The following SLC12A9 variants were observed in gnomAD, a reference collection of about 807,000 sequenced individuals.
SLC12A9 encodes solute carrier family 12 member 9, also known as CCC-interacting protein 1.
SLC12A9 carries 55 observed loss-of-function variants against 66.0 expected under a neutral mutation model. The observed-to-expected ratio is 0.83, with a 90% CI of 0.67 to 1.04. The LOEUF (loss-of-function observed/expected upper bound fraction) is 1.04. Among genes scored for constraint, SLC12A9 ranks in the 50% least tolerant of loss-of-function variants. The pLI is 0.00. For missense variants in SLC12A9, 1,061 were observed against 1,241.9 expected (o/e 0.85, Z 2.19); for synonymous variants, 577 against 569.0 (o/e 1.01, Z -0.20).
chr7:100,837,136 G>A (rs1262661259), intron 1 of SLC12A9, among the ~76,000 whole-genome samples: 2 of 152,042 alleles, frequency 1.3e-5, no homozygotes, highest in African/African-American at 4.8e-5. Flanking sequence ...AGAGATGGGG[G>A]CTCGCTATGT....
Position 100,861,048 on chromosome 7 carries a change from G to T in SLC12A9, c.1219-90G>T. 1 of 1,602,830 alleles carries T rather than the reference G, an allele frequency of 6.2e-7. No individual in the cohort carries two copies. On this transcript the variant is annotated intron_variant, in intron 9 of 13. Coordinates refer to ENST00000354161, the MANE Select transcript of SLC12A9 (RefSeq NM_020246.4). This position sits in a 1 kb window ranked among gnomAD's most constrained non-coding sequence, Gnocchi z 5.3. ...ACTTTCTGGGGCTCATTGACACTTT[G>T]GGGTACACTGGCATTCTTTGGTGTT...
At chr7:100,865,145 A>G in intron 13 of SLC12A9, 1 of 953,030 alleles carries the variant, frequency 1.0e-6, no homozygotes, top group Non-Finnish European at 1.6e-6. Context: ...TTTAGTAGAG[A>G]TAGCATTTCA....
Position 100,865,842 on chromosome 7 carries a change from C to T in SLC12A9, c.1982C>T (p.Ala661Val), listed in dbSNP as rs754019847. 2 of 1,613,860 alleles carry T rather than the reference C, an allele frequency of 1.2e-6. No individual in the cohort carries two copies. The highest frequency in any genetic ancestry group is 8.5e-7 in the Non-Finnish European group (1 of 1,180,026). Reference sequence around the variant, plus strand: ...AGCACCAGGGAGGGCAGTTCCCCAGCTCTGAGCACCCTGTTCCCTCCTCCC... The same window carrying T: ...AGCACCAGGGAGGGCAGTTCCCCAGTTCTGAGCACCCTGTTCCCTCCTCCC... ...ADSTREGSSP[A>V]LSTLFPPPRA... Residue 661 changes from alanine (A) to valine (V), a missense_variant, in exon 14 of 14, where the codon GCT (alanine) becomes GTT (valine). By Grantham distance (64) the Ala-to-Val change is moderately conservative (BLOSUM62 0). Coordinates refer to ENST00000354161, the MANE Select transcript of SLC12A9 (RefSeq NM_020246.4).
At chr7:100,826,943 G>A (rs1813416494) in exon 1 of SLC12A9, 2 of 1,530,118 alleles carry the variant, frequency 1.3e-6, no homozygotes, top group South Asian at 1.2e-5. Flanking sequence ...GGTCCCAGGA[G>A]TGACGGGGTG....
At chr7:100,838,503 C>T (rs751200272) in intron 1 of SLC12A9, among the ~76,000 whole-genome samples, 1 of 152,106 alleles carries the variant, frequency 6.6e-6, no homozygotes, top group Non-Finnish European at 1.5e-5. Context: ...CACTTCTGAG[C>T]AGAGGAGATA....
Position 100,855,826 on chromosome 7 carries a change from T to A in SLC12A9, c.437T>A (p.Val146Asp), listed in dbSNP as rs1814357102. The change falls in exon 4 of 14, where the codon GTC (valine) becomes GAC (aspartate). Residue 146 changes from valine (V) to aspartate (D), a missense_variant. Val to Asp is a radical substitution (Grantham distance 152). Transcript: ENST00000354161. ...GGGCTGGTGGAGTCTGTGCTTGATGTCTTCGGGGCCGGTCTGTGCTCTGTC... is the reference window on the plus strand; with the variant it reads ...GGGCTGGTGGAGTCTGTGCTTGATGACTTCGGGGCCGGTCTGTGCTCTGTC... ...LLGLVESVLD[V>D]FGADATGPSG... is the part of the protein sequence containing the mutation. 4 of 1,609,352 alleles carry A rather than the reference T, an allele frequency of 2.5e-6. No homozygotes were observed. Among genetic ancestry groups the A allele is most frequent in the Non-Finnish European group, 3.4e-6 (4 of 1,177,514 alleles).
At position 100,866,747 on chromosome 7, in the gene SLC12A9, T is replaced by G. The variant is rs573203820; in HGVS notation, c.*142T>G. 29 of 885,450 alleles carry G rather than the reference T, an allele frequency of 3.3e-5. No homozygotes were observed. In the African/African-American group the frequency reaches 4.2e-4, roughly 13 times the overall value. 54.8% of individuals were successfully genotyped at this position (885,450 alleles called of 1,614,324 possible). A position where few individuals can be genotyped will look rare whatever the true frequency, so the allele number is the denominator to read the frequency against. ...CCCAGGGGAGGTTTGAAGGGGATCC[T>G]GGGCTTGGGCATCACGCCCACCTCC... is the stretch of plus-strand genomic sequence containing the variant. On this transcript the variant is annotated 3_prime_UTR_variant, in exon 14 of 14. Coordinates refer to ENST00000354161, the MANE Select transcript of SLC12A9 (RefSeq NM_020246.4). This position sits in a 1 kb window ranked among gnomAD's most constrained non-coding sequence, Gnocchi z 7.3.
At chr7:100,829,999 G>A (rs1057258974) in intron 1 of SLC12A9, among the ~76,000 whole-genome samples, 1 of 151,938 alleles carries the variant, frequency 6.6e-6, no homozygotes, top group African/African-American at 2.4e-5. Flanking sequence ...CTGCACTCCA[G>A]CCTGGGCAAC....
intron 1 of SLC12A9, among the ~76,000 whole-genome samples, chr7:100,828,073 A>G (rs1405275514): frequency 1.3e-5 from 2 of 152,226 alleles, no homozygotes; most frequent in South Asian, 2.1e-4. Flanking sequence ...GGGGGCCTCA[A>G]GGAGCAATCC....
At chr7:100,864,580 C>T (rs569516405) in intron 13 of SLC12A9, among the ~76,000 whole-genome samples, 5 of 152,026 alleles carry the variant, frequency 3.3e-5, no homozygotes, top group South Asian at 4.2e-4. Flanking sequence ...AAATTAAGAA[C>T]GAAGAGCTTG....
chr7:100,857,014 C>A lies in SLC12A9; in HGVS notation c.595C>A (p.Leu199Met). ...CCGGGCCTCATTCCTCACATTCCTG[C>A]TGGTCTCTGGCTCCCTGGCCTCTGT... Reference protein sequence around the residue: ...YARASFLTFLLVSGSLASVLI... With the variant: ...YARASFLTFLMVSGSLASVLI... Residue 199 changes from leucine to methionine, a missense_variant, in exon 5 of 14, where the codon CTG (leucine) becomes ATG (methionine). Leu to Met is a conservative substitution (Grantham distance 15). Coordinates refer to ENST00000354161, the MANE Select transcript of SLC12A9 (RefSeq NM_020246.4). 1 of 1,614,184 alleles carries A rather than the reference C, an allele frequency of 6.2e-7. No individual in the cohort carries two copies. The highest frequency in any genetic ancestry group is 8.5e-7 in the Non-Finnish European group (1 of 1,180,024).
In SLC12A9 at chr7:100,854,165, C is replaced by T; in HGVS notation, c.-33C>T. 6.6e-7 allele frequency: 1 copy of T among 1,524,640 alleles called. No homozygotes were observed. The highest frequency in any genetic ancestry group is 8.7e-7 in the Non-Finnish European group (1 of 1,145,870). 94.4% of individuals were successfully genotyped at this position (1,524,640 alleles called of 1,614,324 possible). On this transcript the variant is annotated 5_prime_UTR_variant, in exon 2 of 14. Coordinates refer to ENST00000354161, the MANE Select transcript of SLC12A9 (RefSeq NM_020246.4). ...ATAATCTCCTTTGCAGGTCACCTAA[C>T]CCATTTGTGGCTTCCTCTACCTGTG... is the stretch of plus-strand genomic sequence containing the variant.
rs755803151 is a variant in SLC12A9 at position 100,858,999 on chromosome 7, CA to C, written c.866-50del. 5 of 1,611,752 alleles carry C rather than the reference CA, an allele frequency of 3.1e-6. No homozygotes were observed. In the Admixed American group the frequency reaches 8.3e-5, roughly 27 times the overall value. On this transcript the variant is annotated intron_variant, in intron 6 of 13. Coordinates refer to ENST00000354161, the MANE Select transcript of SLC12A9 (RefSeq NM_020246.4). ...TTTGGGGCTGCCACCGTGAGGGACC[CA>C]GGGGGATGGCTGGAGGGCTGACCTC...
intron 1 of SLC12A9, chr7:100,827,167 G>A (rs1180899289): frequency 8.3e-6 from 7 of 848,022 alleles, no homozygotes; most frequent in African/African-American, 1.8e-5. Flanking sequence ...GGGCCCATGC[G>A]AGCGTGCGGG....
rs1814588189 is a variant in SLC12A9, at chr7:100,859,177, TG to T, written c.977+21del. The T allele has an allele frequency of 1.2e-6, 2 of 1,609,676 alleles. No individual in the cohort carries two copies. Among genetic ancestry groups the T allele is most frequent in the Admixed American group, 3.3e-5 (2 of 59,944 alleles). ...CTTGTGACAGGTGTCTGGGGAGGGA[TG>T]GGGGTGGAGTGTCGAACAAGATTGG... On this transcript the variant is annotated intron_variant, in intron 7 of 13. Transcript: ENST00000354161.
rs867243707 is a variant in SLC12A9 at position 100,861,529 on chromosome 7, C to T, written c.1481C>T (p.Ala494Val). ...LMGLLAALLTARGGPSSWGYV... is the reference protein window; with the variant it reads ...LMGLLAALLTVRGGPSSWGYV... The stretch of plus-strand genomic sequence containing the variant: ...GGTCTGCTGGCTGCCCTGCTCACCG[C>T]GCGAGGAGGCCCCAGTAGCTGGGGC... The change falls in exon 11 of 14, where the codon GCG becomes GTG. Residue 494 changes from alanine to valine, a missense_variant. By Grantham distance (64) the Ala-to-Val change is moderately conservative. Transcript: ENST00000354161. The surrounding 1 kb of genome is among the most constrained non-coding windows in gnomAD (Gnocchi z 5.3). 2.2e-5 allele frequency: 35 copies of T among 1,613,680 alleles called. No homozygotes were observed. The highest frequency in any genetic ancestry group is 1.1e-4 in the African/African-American group (8 of 74,912).
At chr7:100,836,223 G>A (rs536210818) in intron 1 of SLC12A9, among the ~76,000 whole-genome samples, 1 of 152,326 alleles carries the variant, frequency 6.6e-6, no homozygotes, top group East Asian at 1.9e-4. Flanking sequence ...AGGACTATTT[G>A]TGGCTGGAGG....
In SLC12A9 at chr7:100,852,791, G is replaced by GC. The variant is rs1008249087; in HGVS notation, c.-81dup. The GC allele has an allele frequency of 2.0e-5, 3 of 152,276 alleles. No homozygotes were observed. The highest frequency in any genetic ancestry group is 4.4e-5 in the Non-Finnish European group (3 of 68,116). The allele number at this position is 152,276 out of a possible 1,614,324, so 9.4% of individuals were successfully genotyped here. A position where few individuals can be genotyped will look rare whatever the true frequency, so the allele number is the denominator to read the frequency against. On this transcript the variant is annotated 5_prime_UTR_variant, in exon 1 of 14. Coordinates refer to ENST00000354161, the MANE Select transcript of SLC12A9 (RefSeq NM_020246.4). ...CCCGTGCACTCTCCGCCCGAGCGGA[G>GC]CCCCCCGGCTCGCGGGGATCGCCCC...
chr7:100,848,906 A>AG (rs1343942855), upstream of SLC12A9, among the ~76,000 whole-genome samples: 91 of 123,084 alleles, frequency 7.4e-4, no homozygotes, highest in South Asian at 0.012. Context: ...AAAGAAAGAA[A>AG]GAAAAGAAAG....
Sources: allele counts gnomAD v4.1 joint callset (sites outside exome capture counted in the v4.1 genomes callset), GRCh38; gene constraint gnomAD v4.1.1; non-coding constraint Gnocchi (gnomAD v3.1); transcripts MANE v1.5; gene names NCBI Gene and HGNC (gene_info 2026-07-23, HGNC 2026-07-21).